The following CYP7B1 variants were observed in gnomAD, a reference collection of about 807,000 sequenced individuals.
CYP7B1 encodes the protein cytochrome P450 7B1.
CYP7B1 carries 29 observed loss-of-function variants against 42.7 expected under a neutral mutation model. The ratio of observed to expected loss-of-function variants is 0.68; its 90% CI spans 0.51 to 0.93. The LOEUF (loss-of-function observed/expected upper bound fraction) is 0.93. CYP7B1 is among the 40% of genes least tolerant of loss of function. The pLI, the probability that CYP7B1 is intolerant of heterozygous loss-of-function variation, is 0.00. For missense variants in CYP7B1, 655 were observed against 600.5 expected, an observed-to-expected ratio of 1.09 and a Z score of -0.95; for synonymous variants, 235 against 218.2, an observed-to-expected ratio of 1.08 and a Z score of -0.68.
rs1017589224 is a variant in CYP7B1 at position 64,591,986 on chromosome 8, G to C, written c.*4656C>G. 1.3e-5 allele frequency among the ~76,000 whole-genome samples: 2 copies of C among 151,986 alleles called. No homozygotes were observed. The highest frequency in any genetic ancestry group is 4.8e-5 in the African/African-American group (2 of 41,360). The stretch of plus-strand genomic sequence containing the variant: ...GTGGATCACCTGAGGTCTGGAGTTC[G>C]AGACCAGCCTGATCAACATGGTGAA... On this transcript the variant is annotated 3_prime_UTR_variant, in exon 6 of 6. Coordinates refer to ENST00000310193, the MANE Select transcript of CYP7B1 (RefSeq NM_004820.5).
chr8:64,775,642 C>T (rs1413176383), intron 1 of CYP7B1, among the ~76,000 whole-genome samples: 2 of 151,996 alleles, frequency 1.3e-5, no homozygotes, highest in African/African-American at 4.8e-5. Flanking sequence ...TATATATTAA[C>T]TGATAATTAT....
Position 64,595,357 on chromosome 8 carries a change from C to T in CYP7B1, c.*1285G>A, listed in dbSNP as rs1367618868. Among the ~76,000 whole-genome samples the T allele has an allele frequency of 6.6e-6, 1 of 152,190 alleles. No homozygotes were observed. The highest frequency in any genetic ancestry group is 1.5e-5 in the Non-Finnish European group (1 of 68,024). ...TAAAGTCAGTTTCCTTTTCTCAAAA[C>T]AGTAGCAGATTTCTGAAATATTAGA... On this transcript the variant is annotated 3_prime_UTR_variant, in exon 6 of 6. Transcript: ENST00000310193.
chr8:64,622,058 G>T (rs979011763), intron 2 of CYP7B1, among the ~76,000 whole-genome samples: 1 of 152,110 alleles, frequency 6.6e-6, no homozygotes, highest in Admixed American at 6.6e-5. Context: ...GTCCATGGGA[G>T]AACTCAATCA....
chr8:64,735,594 GTA>G (rs1421465801), intron 1 of CYP7B1, among the ~76,000 whole-genome samples: 3 of 152,064 alleles, frequency 2.0e-5, no homozygotes, highest in Non-Finnish European at 4.4e-5. Flanking sequence ...TTATTTTCAT[GTA>G]TACATGAGGT....
At chr8:64,796,715 A>G (rs1804707884) in intron 1 of CYP7B1, among the ~76,000 whole-genome samples, 1 of 152,232 alleles carries the variant, frequency 6.6e-6, no homozygotes, top group Admixed American at 6.5e-5. Flanking sequence ...GACTTCTATA[A>G]ACTGACATAG....
chr8:64,634,716 TA>T, intron 1 of CYP7B1, among the ~76,000 whole-genome samples: 1 of 152,104 alleles, frequency 6.6e-6, no homozygotes, highest in Non-Finnish European at 1.5e-5. Context: ...TTGATTTTTT[TA>T]AAAAAGCTCA....
chr8:64,588,814 A>C (rs1164004046), downstream of CYP7B1, among the ~76,000 whole-genome samples: 1 of 152,242 alleles, frequency 6.6e-6, no homozygotes, highest in Non-Finnish European at 1.5e-5. Context: ...GGTGCTCTCC[A>C]TCTAAGATTT....
At chr8:64,766,020 C>A (rs932419688) in intron 1 of CYP7B1, among the ~76,000 whole-genome samples, 5 of 152,136 alleles carry the variant, frequency 3.3e-5, no homozygotes, top group Non-Finnish European at 7.3e-5. Flanking sequence ...ATAACTGCAG[C>A]CTGAGAGTTT....
chr8:64,614,892 T>G (rs777409200), intron 4 of CYP7B1, 134 bp downstream of exon 4: 1 of 803,608 alleles, frequency 1.2e-6, no homozygotes, highest in Non-Finnish European at 2.1e-6. Flanking sequence ...ACATAATTTA[T>G]AATTGATGTA....
At chr8:64,619,485 TA>T (rs778786892) in intron 2 of CYP7B1, among the ~76,000 whole-genome samples, 75 of 152,326 alleles carry the variant, frequency 4.9e-4, no homozygotes, top group Non-Finnish European at 9.9e-4. Flanking sequence ...GTCTAAAATA[TA>T]AATGTCAAAG....
chr8:64,724,279 T>G (rs540121423), intron 1 of CYP7B1, among the ~76,000 whole-genome samples: 1 of 152,276 alleles, frequency 6.6e-6, no homozygotes, highest in Non-Finnish European at 1.5e-5. Context: ...CCGAAGTAGC[T>G]GGGACTACAG....
chr8:64,604,695 A>G lies in CYP7B1; in HGVS notation c.1220T>C (p.Phe407Ser), dbSNP rs769450032. The change falls in exon 5 of 6, where the codon TTT becomes TCT. Residue 407 changes from phenylalanine to serine, a missense_variant. By Grantham distance (155) the Phe-to-Ser change is radical. Coordinates refer to ENST00000310193, the MANE Select transcript of CYP7B1 (RefSeq NM_004820.5). Reference protein sequence around the residue: ...PPVLHGDPEIFEAPEEFRYDR... With the variant: ...PPVLHGDPEISEAPEEFRYDR... Reference sequence around the variant, plus strand: ...ATGTTTACTTACCTCTGGAGCTTCAAAGATTTCAGGGTCACCATGTAGGAC... The same window carrying G: ...ATGTTTACTTACCTCTGGAGCTTCAGAGATTTCAGGGTCACCATGTAGGAC... 13 of 1,614,146 alleles carry G rather than the reference A, an allele frequency of 8.1e-6. No individual in the cohort carries two copies. The highest frequency in any genetic ancestry group is 2.2e-5 in the East Asian group (1 of 44,880).
chr8:64,653,321 AC>A (rs1806068418), intron 1 of CYP7B1, among the ~76,000 whole-genome samples: 2 of 152,230 alleles, frequency 1.3e-5, no homozygotes, highest in African/African-American at 4.8e-5. Flanking sequence ...AGAGAATGTT[AC>A]CACTGACCCC....
chr8:64,672,307 T>C (rs1806378482), intron 1 of CYP7B1, among the ~76,000 whole-genome samples: 1 of 152,102 alleles, frequency 6.6e-6, no homozygotes, highest in Non-Finnish European at 1.5e-5. Flanking sequence ...AGGTGACCGA[T>C]TAAGGTGTTT....
intron 1 of CYP7B1, among the ~76,000 whole-genome samples, chr8:64,795,897 A>G (rs1431265347): frequency 6.6e-6 from 1 of 152,234 alleles, no homozygotes; most frequent in African/African-American, 2.4e-5. Flanking sequence ...TACTGTAGCC[A>G]AAAGAGGTGG....
intron 1 of CYP7B1, among the ~76,000 whole-genome samples, chr8:64,796,925 A>T (rs981443521): frequency 6.6e-6 from 1 of 152,196 alleles, no homozygotes; most frequent in African/African-American, 2.4e-5. Context: ...GCATTAGGGT[A>T]AACTATCCAA....
intron 1 of CYP7B1, among the ~76,000 whole-genome samples, chr8:64,644,963 A>G (rs1361569636): frequency 1.5e-5 from 2 of 136,326 alleles, no homozygotes; most frequent in East Asian, 4.4e-4. Context: ...TCCTGTGTCC[A>G]TGTGTTCTCC....
chr8:64,663,495 A>T (rs1806229813), intron 1 of CYP7B1, among the ~76,000 whole-genome samples: 1 of 152,246 alleles, frequency 6.6e-6, no homozygotes, highest in Admixed American at 6.5e-5. Context: ...GTTTGCCATG[A>T]TTCACTTTCC....
chr8:64,671,284 C>T (rs1455198770), intron 1 of CYP7B1, among the ~76,000 whole-genome samples: 6 of 152,026 alleles, frequency 3.9e-5, no homozygotes, highest in African/African-American at 7.2e-5. Flanking sequence ...AAAAAGGGTA[C>T]AGGATAAAAG....
Sources: allele counts gnomAD v4.1 joint callset (sites outside exome capture counted in the v4.1 genomes callset), GRCh38; gene constraint gnomAD v4.1.1; transcripts MANE v1.5; gene names NCBI Gene and HGNC (gene_info 2026-07-23, HGNC 2026-07-21).